MALT1: variants seen among roughly 807,000 people sequenced by gnomAD.
MALT1 encodes MALT1 paracaspase.
Under a neutral mutation model 85.5 loss-of-function variants are expected in MALT1, and 36 were observed. The ratio of observed to expected loss-of-function variants is 0.42; its 90% confidence interval spans 0.32 to 0.56. The LOEUF is 0.56. MALT1 is among the 20% of genes least tolerant of loss of function. MALT1 has a pLI of 0.10. For synonymous variants in MALT1, 359 were observed against 361.3 expected (o/e 0.99, Z 0.07); for missense variants, 716 against 981.6 (o/e 0.73, Z 3.62).
intron 16 of MALT1, 76 bp from the exon 17 acceptor site, chr18:58,747,329 G>C: frequency 1.1e-6 from 1 of 919,414 alleles, no homozygotes; most frequent in Non-Finnish European, 1.7e-6. Context: ...GTGGGGGTGT[G>C]TATGTGTGAA....
At chr18:58,679,127 A>C (rs567771939) in intron 1 of MALT1, among the ~76,000 whole-genome samples, 10 of 152,204 alleles carry the variant, frequency 6.6e-5, no homozygotes, top group Non-Finnish European at 1.3e-4. Context: ...TAAAATGATT[A>C]CAATTCATAT....
At chr18:58,688,818 CTG>C (rs1380952312) in intron 2 of MALT1, among the ~76,000 whole-genome samples, 2 of 152,078 alleles carry the variant, frequency 1.3e-5, no homozygotes, top group Non-Finnish European at 2.9e-5. Flanking sequence ...GGTAGGCTCA[CTG>C]TGGCAGAAAG....
At chr18:58,737,479 CAA>C (rs778635527) in intron 13 of MALT1, among the ~76,000 whole-genome samples, 53 of 102,492 alleles carry the variant, frequency 5.2e-4, no homozygotes, top group East Asian at 1.3e-3. Context: ...AGCCCCATCT[CAA>C]AAAAAAAAAA....
chr18:58,712,283 A>T (rs1568140329), intron 7 of MALT1, among the ~76,000 whole-genome samples: 1 of 152,122 alleles, frequency 6.6e-6, no homozygotes, highest in Non-Finnish European at 1.5e-5. Context: ...AGTGTCCTTT[A>T]TTATATATAT....
At chr18:58,724,242 T>TC (rs1260879126) in intron 10 of MALT1, among the ~76,000 whole-genome samples, 3 of 152,044 alleles carry the variant, frequency 2.0e-5, no homozygotes, top group Non-Finnish European at 2.9e-5. Flanking sequence ...GCTTTTTTTT[T>TC]CCCCCCAAGA....
At chr18:58,711,375 T>C (rs922769239) in intron 7 of MALT1, among the ~76,000 whole-genome samples, 2 of 152,222 alleles carry the variant, frequency 1.3e-5, no homozygotes, top group Admixed American at 6.5e-5. Flanking sequence ...AAATTTAGTT[T>C]TTATAAAAGT....
chr18:58,702,203 T>C (rs1408025284), intron 4 of MALT1, among the ~76,000 whole-genome samples: 2 of 124,730 alleles, frequency 1.6e-5, no homozygotes, highest in African/African-American at 6.0e-5. Flanking sequence ...CAAAACCCTA[T>C]CTCTACAAAA....
At chr18:58,719,666 C>T in intron 9 of MALT1, among the ~76,000 whole-genome samples, 1 of 152,184 alleles carries the variant, frequency 6.6e-6, no homozygotes, top group South Asian at 2.1e-4. Context: ...CTGTGGTTTG[C>T]TGGGGGCTAC....
At chr18:58,674,774 G>C (rs922284127) in intron 1 of MALT1, among the ~76,000 whole-genome samples, 1 of 152,208 alleles carries the variant, frequency 6.6e-6, no homozygotes, top group African/African-American at 2.4e-5. Context: ...TGGGTGACAA[G>C]TCCCACGAGG....
Position 58,704,731 on chromosome 18 carries a change from A to G in MALT1, c.649+4140A>G, listed in dbSNP as rs532759649. Among the ~76,000 whole-genome samples the G allele has an allele frequency of 2.6e-5, 4 of 152,334 alleles. No individual in the cohort carries two copies. The South Asian group carries it at 8.3e-4, about 32-fold the overall frequency. On this transcript the variant is annotated intron_variant, in intron 4 of 16. Coordinates refer to ENST00000649217, the MANE Select transcript of MALT1 (RefSeq NM_006785.4). ...AGTGCTGGGATTACTGGCATGAGCCACCGCGCCTGGCCAGAACCATGGCAT... is the reference window on the plus strand; with the variant it reads ...AGTGCTGGGATTACTGGCATGAGCCGCCGCGCCTGGCCAGAACCATGGCAT...
At chr18:58,682,124 G>A (rs534211061) in intron 2 of MALT1, among the ~76,000 whole-genome samples, 91 of 152,254 alleles carry the variant, frequency 6.0e-4, no homozygotes, top group African/African-American at 2.0e-3. Flanking sequence ...AAAGACAAAG[G>A]ACCTGATGCA....
In MALT1 at chr18:58,696,363, TAGG is replaced by T; in HGVS notation, c.377-1_378del. ...TTTTTTTTTTTTTTTTTTTTTTTTT[TAGG>T]AATAAAGATTACTGTAAACCCAGAG... On this transcript the variant is annotated splice_acceptor_variant and coding_sequence_variant, in exon 3 of 17. Transcript: ENST00000649217. LOFTEE classifies it high-confidence loss of function. The T allele has an allele frequency of 7.3e-7, 1 of 1,373,286 alleles. No individual in the cohort carries two copies. The highest frequency in any genetic ancestry group is 9.5e-7 in the Non-Finnish European group (1 of 1,050,642). The allele number at this position is 1,373,286 out of a possible 1,614,324, so 85.1% of individuals were successfully genotyped here. A position where few individuals can be genotyped will look rare whatever the true frequency, so the allele number is the denominator to read the frequency against.
At chr18:58,675,735 A>G (rs535276966) in intron 1 of MALT1, among the ~76,000 whole-genome samples, 1 of 152,334 alleles carries the variant, frequency 6.6e-6, no homozygotes, top group Admixed American at 6.5e-5. Flanking sequence ...TCTTGGTCTT[A>G]TCCTTCAGTC....
rs546126150 is a variant in MALT1, at chr18:58,686,919, A to G, written c.376+5583A>G. 5.6e-4 allele frequency among the ~76,000 whole-genome samples: 85 copies of G among 152,358 alleles called. 1 individual carries two copies. The South Asian group carries it at 0.016, about 29-fold the overall frequency. ...ATGGAAAATGAGATTTCCAAAAGTG[A>G]TCATTTGGCCAAAGTCACAATTATT... On this transcript the variant is annotated intron_variant, in intron 2 of 16. Coordinates refer to ENST00000649217, the MANE Select transcript of MALT1 (RefSeq NM_006785.4).
rs573731922 is a variant in MALT1 at position 58,683,612 on chromosome 18, A to G, written c.376+2276A>G. 1.1e-4 allele frequency among the ~76,000 whole-genome samples: 16 copies of G among 152,364 alleles called. No individual in the cohort carries two copies. The South Asian group carries it at 2.7e-3, about 26-fold the overall frequency. On this transcript the variant is annotated intron_variant, in intron 2 of 16. Coordinates refer to ENST00000649217, the MANE Select transcript of MALT1 (RefSeq NM_006785.4). Reference sequence around the variant, plus strand: ...TTGCCTGAATTTTAAAAATAACACAATATTTTATATTTTTATTTTTGACAG... The same window carrying G: ...TTGCCTGAATTTTAAAAATAACACAGTATTTTATATTTTTATTTTTGACAG...
At position 58,716,080 on chromosome 18, in the gene MALT1, C is replaced by T. The variant is rs2144403700; in HGVS notation, c.1018+113C>T. 3 of 738,596 alleles carry T rather than the reference C, an allele frequency of 4.1e-6. No individual in the cohort carries two copies. The East Asian group carries it at 8.2e-5, about 20-fold the overall frequency. 45.8% of individuals were successfully genotyped at this position (738,596 alleles called of 1,614,324 possible). A position where few individuals can be genotyped will look rare whatever the true frequency, so the allele number is the denominator to read the frequency against. On this transcript the variant is annotated intron_variant, in intron 9 of 16. Transcript: ENST00000649217. ...AAAGAAATGTGAATAACATTGGGAC[C>T]AAATGTTTTATTTTTTTGTATCTGT...
intron 2 of MALT1, 21 bp from the exon 3 acceptor site, chr18:58,696,337 ATTTTTTTT>A (rs574285957): frequency 1.1e-5 from 11 of 991,038 alleles, no homozygotes; most frequent in African/African-American, 2.2e-5. Flanking sequence ...TGTGACTTTA[ATTTTTTTT>A]TTTTTTTTTT....
Position 58,714,099 on chromosome 18 carries a change from T to G in MALT1, c.975T>G (p.Leu325=). 7.9e-7 allele frequency: 1 copy of G among 1,268,346 alleles called. No individual in the cohort carries two copies. The highest frequency in any genetic ancestry group is 1.1e-6 in the Non-Finnish European group (1 of 887,968). 78.6% of individuals were successfully genotyped at this position (1,268,346 alleles called of 1,614,324 possible). The change falls in exon 8 of 17, where the codon CTT becomes CTG. Residue 325 remains leucine, a synonymous_variant. Transcript: ENST00000649217. The stretch of plus-strand genomic sequence containing the variant: ...TTGTTTTAGATGAATTAAATAATCT[T>G]GGTCATCCTGGTGAGTAATACAAAC... ...VECTEDELNN[L]GHPDNKEQTT... is the part of the protein sequence containing the mutation.
rs1352256001 is a variant in MALT1, at chr18:58,747,809, T to C, written c.2442T>C (p.Ser814=). ...AGACAACTGATGAAATACCATTTAG[T>C]TTCTCTGACAGGCTCAGAATTTCTG... ...PVETTDEIPF[S]FSDRLRISEK The change falls in exon 17 of 17, where the codon AGT becomes AGC. Residue 814 remains serine, a synonymous_variant. Coordinates refer to ENST00000649217, the MANE Select transcript of MALT1 (RefSeq NM_006785.4). 10 of 1,613,710 alleles carry C rather than the reference T, an allele frequency of 6.2e-6. No homozygotes were observed. The Admixed American group carries it at 6.7e-5, about 11-fold the overall frequency.
Sources: allele counts gnomAD v4.1 joint callset (sites outside exome capture counted in the v4.1 genomes callset), GRCh38; gene constraint gnomAD v4.1.1; transcripts MANE v1.5; gene names NCBI Gene and HGNC (gene_info 2026-07-23, HGNC 2026-07-21).